ATP13A3: variants seen among roughly 807,000 people sequenced by gnomAD.
The protein encoded by ATP13A3 is ATPase 13A3.
A neutral mutation model predicts 158.1 loss-of-function variants in ATP13A3; 59 were observed. That is an observed-to-expected ratio of 0.37 (90% CI 0.30 to 0.46). ATP13A3 has a LOEUF of 0.46. Among genes scored for constraint, ATP13A3 ranks in the 20% least tolerant of loss-of-function variants. The pLI is 1.00. For synonymous variants in ATP13A3, 491 were observed against 504.3 expected, an observed-to-expected ratio of 0.97 and a Z score of 0.35; for missense variants, 1,166 against 1,525.2, an observed-to-expected ratio of 0.76 and a Z score of 3.92.
At chr3:194,414,483 A>C (rs532792940) in intron 31 of ATP13A3, among the ~76,000 whole-genome samples, 6 of 151,574 alleles carry the variant, frequency 4.0e-5, no homozygotes, top group Non-Finnish European at 7.4e-5. Context: ...AAGAGGTACC[A>C]ATCTAATAAC....
chr3:194,431,230 T>C lies in ATP13A3; in HGVS notation c.2422-4A>G. 1.9e-6 allele frequency: 3 copies of C among 1,593,276 alleles called. No homozygotes were observed. Among genetic ancestry groups the C allele is most frequent in the Non-Finnish European group, 2.6e-6 (3 of 1,164,904 alleles). On this transcript the variant is annotated splice_polypyrimidine_tract_variant and splice_region_variant and intron_variant, in intron 22 of 33. Transcript: ENST00000645319. The stretch of plus-strand genomic sequence containing the variant: ...GGACCAATTTAACCGGAATAGCCTG[T>C]GTATATGAGACATTGGGAACAATAT...
intron 20 of ATP13A3, among the ~76,000 whole-genome samples, chr3:194,436,813 C>T (rs1338847308): frequency 7.2e-5 from 11 of 152,022 alleles, no homozygotes; most frequent in East Asian, 5.8e-4. Flanking sequence ...TGCGCCACTG[C>T]GCTTGAACCG....
chr3:194,477,420 A>T (rs1284332680), intron 2 of ATP13A3, among the ~76,000 whole-genome samples: 2 of 152,180 alleles, frequency 1.3e-5, no homozygotes, highest in Non-Finnish European at 2.9e-5. Flanking sequence ...GCAAAATTTG[A>T]CAACAAAGTA....
At chr3:194,445,775 A>G (rs779824360) in intron 14 of ATP13A3, among the ~76,000 whole-genome samples, 3 of 152,232 alleles carry the variant, frequency 2.0e-5, no homozygotes, top group Non-Finnish European at 4.4e-5. Flanking sequence ...GTTACCCAGA[A>G]AAGTTTGATA....
At chr3:194,425,880 T>C (rs922639453) in intron 29 of ATP13A3, among the ~76,000 whole-genome samples, 1 of 152,180 alleles carries the variant, frequency 6.6e-6, no homozygotes, top group Non-Finnish European at 1.5e-5. Context: ...TGAGGAAATA[T>C]TATTCACTCT....
intron 2 of ATP13A3, among the ~76,000 whole-genome samples, chr3:194,469,186 A>G (rs1006345805): frequency 2.0e-5 from 3 of 151,846 alleles, no homozygotes; most frequent in Non-Finnish European, 4.4e-5. Context: ...AGCTGGGTGC[A>G]GTGGCTCACG....
At chr3:194,415,129 G>C (rs1317328278) in intron 31 of ATP13A3, among the ~76,000 whole-genome samples, 1 of 152,160 alleles carries the variant, frequency 6.6e-6, no homozygotes, top group Non-Finnish European at 1.5e-5. Flanking sequence ...AGACAGCAAA[G>C]CATCACAAAA....
At chr3:194,456,134 A>G (rs1247508036) in intron 7 of ATP13A3, among the ~76,000 whole-genome samples, 172 bp from the exon 8 acceptor site, 1 of 152,150 alleles carries the variant, frequency 6.6e-6, no homozygotes, top group Non-Finnish European at 1.5e-5. Flanking sequence ...AAAGAAGTCA[A>G]TAGTAGATAC....
intron 10 of ATP13A3, chr3:194,450,813 T>A (rs533921990): frequency 6.6e-6 from 1 of 152,538 alleles, no homozygotes; most frequent in East Asian, 1.9e-4. Context: ...ATTTTAAATA[T>A]GAGTAAATTC....
In ATP13A3 at chr3:194,446,028, T is replaced by C. The variant is rs138995979; in HGVS notation, c.1497+899A>G. Among the ~76,000 whole-genome samples, 371 of 150,764 alleles carry C rather than the reference T, an allele frequency of 2.5e-3. 2 individuals carry two copies. Among genetic ancestry groups the C allele is most frequent in the Middle Eastern group, 0.021 (6 of 292 alleles). On this transcript the variant is annotated intron_variant, in intron 14 of 33. Transcript: ENST00000645319. ...AAATATATATGTATGGAGCCTATTG[T>C]GTTAAATAAGAATTACTGTCTAAAA...
intron 32 of ATP13A3, chr3:194,412,781 A>G (rs1297174999): frequency 6.4e-6 from 1 of 155,556 alleles, no homozygotes; most frequent in African/African-American, 2.4e-5. Context: ...GCTTCCTAGC[A>G]CCCATAAAAT....
chr3:194,430,825 AATT>A (rs1006028502), intron 24 of ATP13A3, 115 bp downstream of exon 24: 44 of 736,374 alleles, frequency 6.0e-5, no homozygotes, highest in Non-Finnish European at 8.1e-5. Flanking sequence ...TATAGATCAC[AATT>A]ATATATATAA....
In ATP13A3 at chr3:194,430,083, T is replaced by C. The variant is rs1717107108; in HGVS notation, c.2766A>G (p.Pro922=). The change falls in exon 26 of 34, where the codon CCA becomes CCG. Residue 922 remains proline, a synonymous_variant. Transcript: ENST00000645319. The part of the protein sequence containing the change: ...TSKTPSISCV[P]NLIREGRAAL... Reference sequence around the variant, plus strand: ...TTAATTTGTACTACCTGATAAGGTTTGGCACACAGGAAATACTAGGAGTCT... The same window carrying C: ...TTAATTTGTACTACCTGATAAGGTTCGGCACACAGGAAATACTAGGAGTCT... 1.9e-6 allele frequency: 3 copies of C among 1,613,792 alleles called. No homozygotes were observed. The African/African-American group carries it at 4.0e-5, about 22-fold the overall frequency.
intron 9 of ATP13A3, 98 bp from the exon 10 acceptor site, chr3:194,453,876 A>G (rs1719002416): frequency 1.2e-6 from 1 of 809,730 alleles, no homozygotes; most frequent in Non-Finnish European, 2.0e-6. Context: ...CAATAAATGC[A>G]TATCACTCCA....
chr3:194,425,575 A>G, intron 29 of ATP13A3, 46 bp from the exon 30 acceptor site: 1 of 1,486,278 alleles, frequency 6.7e-7, no homozygotes, highest in Non-Finnish European at 9.1e-7. Context: ...CATAATACTC[A>G]TTTCCCAAAA....
At chr3:194,410,050 G>C (rs1715243351) in intron 33 of ATP13A3, among the ~76,000 whole-genome samples, 1 of 151,736 alleles carries the variant, frequency 6.6e-6, no homozygotes, top group Non-Finnish European at 1.5e-5. Flanking sequence ...TTGTCTATTT[G>C]ATGATTCTCA....
At chr3:194,406,453 T>C (rs1413120329) in intron 33 of ATP13A3, among the ~76,000 whole-genome samples, 1 of 152,190 alleles carries the variant, frequency 6.6e-6, no homozygotes, top group Non-Finnish European at 1.5e-5. Flanking sequence ...GATTATTCTT[T>C]AGATTATATT....
At chr3:194,428,540 T>C (rs1716984474) in intron 28 of ATP13A3, among the ~76,000 whole-genome samples, 1 of 152,204 alleles carries the variant, frequency 6.6e-6, no homozygotes, top group South Asian at 2.1e-4. Flanking sequence ...TCCTGATCTT[T>C]ACAACTGTAT....
intron 2 of ATP13A3, among the ~76,000 whole-genome samples, chr3:194,465,431 G>A (rs921892299): frequency 3.9e-5 from 6 of 152,126 alleles, no homozygotes; most frequent in African/African-American, 1.4e-4. Flanking sequence ...AGAAACTACC[G>A]AAGGCCAGGG....
Sources: allele counts gnomAD v4.1 joint callset (sites outside exome capture counted in the v4.1 genomes callset), GRCh38; gene constraint gnomAD v4.1.1; transcripts MANE v1.5; gene names NCBI Gene and HGNC (gene_info 2026-07-23, HGNC 2026-07-21).